Variants in DNAH8 observed in about 807,000 individuals in gnomAD.
The protein encoded by DNAH8 is dynein axonemal heavy chain 8.
A neutral mutation model predicts 562.1 loss-of-function variants in DNAH8; 382 were observed. The ratio of observed to expected loss-of-function variants is 0.68; its 90% confidence interval spans 0.63 to 0.74. The LOEUF is 0.74. Ranked by LOEUF, DNAH8 falls within the 30% of genes least tolerant of loss-of-function variation. The probability of loss-of-function intolerance (pLI) is 0.00; values close to 1 mark genes in which losing one functional copy is unlikely to be tolerated. For missense variants in DNAH8, 5,203 were observed against 5,620.4 expected (o/e 0.93, Z 2.37); for synonymous variants, 1,881 against 1,919.4 (o/e 0.98, Z 0.52).
Position 38,949,528 on chromosome 6 carries a change from ATAATG to A in DNAH8, c.12207_12211del (p.Tyr4069Ter). 1 of 1,612,840 alleles carries A rather than the reference ATAATG, an allele frequency of 6.2e-7. No individual in the cohort carries two copies. The highest frequency in any genetic ancestry group is 8.5e-7 in the Non-Finnish European group (1 of 1,178,856). ...GAGGAGGAAATTATCCCTGATGGATATAATGATTCACTAGATACCTGCCATAAACT... is the reference window on the plus strand; with the variant it reads ...GAGGAGGAAATTATCCCTGATGGATAATTCACTAGATACCTGCCATAAACT... On this transcript the variant is annotated stop_gained and frameshift_variant, in exon 81 of 93. Transcript: ENST00000327475. LOFTEE classifies it high-confidence loss of function.
intron 6 of DNAH8, 39 bp downstream of exon 6, chr6:38,737,295 G>T (rs761959872): frequency 8.0e-7 from 1 of 1,246,166 alleles, no homozygotes; most frequent in Admixed American, 3.0e-5. Flanking sequence ...TTGCAAAAAA[G>T]AAGCAAATTA....
At position 38,978,308 on chromosome 6, in the gene DNAH8, A is replaced by T. The variant is rs74380098; in HGVS notation, c.12834+3779A>T. Among the ~76,000 whole-genome samples the T allele has an allele frequency of 6.9e-3, 1,052 of 152,278 alleles. 17 individuals are homozygous for T. The highest frequency in any genetic ancestry group is 0.024 in the African/African-American group (994 of 41,558). Reference sequence around the variant, plus strand: ...GGGCCCTATCAATAGGGCCCAGGGAATCTCACTATTAACAGTTCTTCATTC... The same window carrying T: ...GGGCCCTATCAATAGGGCCCAGGGATTCTCACTATTAACAGTTCTTCATTC... On this transcript the variant is annotated intron_variant, in intron 85 of 92. Coordinates refer to ENST00000327475, the MANE Select transcript of DNAH8 (RefSeq NM_001206927.2).
intron 82 of DNAH8, among the ~76,000 whole-genome samples, chr6:38,957,423 C>A (rs1762317691): frequency 6.6e-6 from 1 of 151,222 alleles, no homozygotes; most frequent in African/African-American, 2.4e-5. Flanking sequence ...ACAAATCACC[C>A]AGATAGAAAA....
In DNAH8 at chr6:39,030,332, A is replaced by G. The variant is rs1400209066; in HGVS notation, c.14064A>G (p.Thr4688=). ...LTFITVVYLR[T]VLSPDHWILR... is the part of the protein sequence containing the mutation. Reference sequence around the variant, plus strand: ...TCATCACTGTGGTATATTTACGAACAGTGTTGTCCCCGGATCACTGGATCC... The same window carrying G: ...TCATCACTGTGGTATATTTACGAACGGTGTTGTCCCCGGATCACTGGATCC... The change falls in exon 93 of 93, where the codon ACA becomes ACG. Residue 4688 remains threonine, a synonymous_variant. Transcript: ENST00000327475. 1 of 1,614,080 alleles carries G rather than the reference A, an allele frequency of 6.2e-7. No individual in the cohort carries two copies. The highest frequency in any genetic ancestry group is 1.3e-5 in the African/African-American group (1 of 74,926).
intron 62 of DNAH8, 125 bp downstream of exon 62, chr6:38,900,031 A>G (rs758737378): frequency 1.9e-5 from 15 of 786,284 alleles, no homozygotes; most frequent in Non-Finnish European, 2.7e-5. Flanking sequence ...AGTATTATAT[A>G]TATAAGGATA....
chr6:38,980,467 C>T (rs755709300), intron 85 of DNAH8, among the ~76,000 whole-genome samples: 1 of 152,190 alleles, frequency 6.6e-6, no homozygotes, highest in Non-Finnish European at 1.5e-5. Flanking sequence ...CTCTGCTCCT[C>T]CTCACCTCTT....
chr6:38,881,801 T>C (rs1003486750), intron 53 of DNAH8, among the ~76,000 whole-genome samples: 2 of 152,126 alleles, frequency 1.3e-5, no homozygotes, highest in Non-Finnish European at 2.9e-5. Flanking sequence ...TCCACCCACC[T>C]CAGCCTCCCA....
intron 88 of DNAH8, among the ~76,000 whole-genome samples, chr6:39,008,098 A>G (rs1021320934): frequency 1.3e-5 from 2 of 151,894 alleles, no homozygotes; most frequent in African/African-American, 4.8e-5. Context: ...CCTCTCTGAA[A>G]GCATCCTGTT....
rs183189325 is a variant in DNAH8 at position 38,990,541 on chromosome 6, A to C, written c.13214+369A>C. ...ATTCATTAAGAATATAATGCTCATA[A>C]ATAGAATCTAAAAAGCCAGGTGAGA... On this transcript the variant is annotated intron_variant, in intron 88 of 92. Coordinates refer to ENST00000327475, the MANE Select transcript of DNAH8 (RefSeq NM_001206927.2). Among the ~76,000 whole-genome samples, 442 of 152,296 alleles carry C rather than the reference A, an allele frequency of 2.9e-3. 2 individuals are homozygous for C. Among genetic ancestry groups the C allele is most frequent in the African/African-American group, 0.01 (423 of 41,564 alleles).
In DNAH8 at chr6:38,737,235, A is replaced by G. The variant is rs781343452; in HGVS notation, c.931A>G (p.Arg311Gly). Residue 311 changes from arginine (R) to glycine (G), a missense_variant, in exon 6 of 93, where the codon AGA (arginine) becomes GGA (glycine). By Grantham distance (125) the Arg-to-Gly change is moderately radical (BLOSUM62 -2). Transcript: ENST00000327475. Reference protein sequence around the residue: ...EKHIFTETINRYLSFLDGARI... With the variant: ...EKHIFTETINGYLSFLDGARI... ...ACATATTTTCACTGAAACCATCAAC[A>G]GATATCTTTCATTTTTAGATGGTAA... is the stretch of plus-strand genomic sequence containing the variant. 3.0e-5 allele frequency: 43 copies of G among 1,456,368 alleles called. No homozygotes were observed. The highest frequency in any genetic ancestry group is 3.7e-5 in the Non-Finnish European group (41 of 1,098,702). 90.2% of individuals were successfully genotyped at this position (1,456,368 alleles called of 1,614,324 possible).
chr6:38,920,953 C>T (rs532896497), intron 70 of DNAH8, among the ~76,000 whole-genome samples: 4 of 152,216 alleles, frequency 2.6e-5, no homozygotes, highest in East Asian at 3.9e-4. Context: ...TACAGTGTTG[C>T]GATCACAGCT....
intron 8 of DNAH8, among the ~76,000 whole-genome samples, 165 bp downstream of exon 8, chr6:38,742,052 A>G (rs751918640): frequency 1.3e-5 from 2 of 152,230 alleles, no homozygotes; most frequent in Non-Finnish European, 2.9e-5. Flanking sequence ...AGAGGAAATG[A>G]AGATTTATTT....
chr6:38,938,777 G>A (rs1341462208), intron 78 of DNAH8, 21 bp from the exon 79 acceptor site: 1 of 1,556,904 alleles, frequency 6.4e-7, no homozygotes, highest in African/African-American at 1.4e-5. Context: ...TTGCTTCTTT[G>A]ATTCTTAAAA....
intron 91 of DNAH8, among the ~76,000 whole-genome samples, chr6:39,024,271 A>C (rs1330494108): frequency 1.3e-5 from 2 of 152,252 alleles, no homozygotes; most frequent in African/African-American, 4.8e-5. Flanking sequence ...TGCCTTGTAC[A>C]TTATGACCTT....
At chr6:38,717,114 A>C (rs1762400235) in intron 1 of DNAH8, among the ~76,000 whole-genome samples, 1 of 152,128 alleles carries the variant, frequency 6.6e-6, no homozygotes, top group African/African-American at 2.4e-5. Flanking sequence ...TGGGAGGCTG[A>C]GGTAGGAGGA....
intron 65 of DNAH8, among the ~76,000 whole-genome samples, chr6:38,910,299 A>G (rs1036472803): frequency 2.0e-5 from 3 of 152,230 alleles, no homozygotes; most frequent in Non-Finnish European, 2.9e-5. Context: ...CAACCATGCA[A>G]AAACACAGCT....
At chr6:38,738,005 G>C in intron 7 of DNAH8, 33 bp downstream of exon 7, 1 of 1,600,028 alleles carries the variant, frequency 6.2e-7, no homozygotes, top group East Asian at 2.3e-5. Flanking sequence ...ATCTGGACTA[G>C]TAGTTTTCAT....
rs774467668 is a variant in DNAH8 at position 38,875,756 on chromosome 6, A to G, written c.7786A>G (p.Ser2596Gly). ...TGAAGCCTTCTTACGGCAGCATGAA[A>G]GCAAGTTGGACTTACCAGAAATACC... Reference protein sequence around the residue: ...KLEAFLRQHESKLDLPEIPKG... With the variant: ...KLEAFLRQHEGKLDLPEIPKG... Residue 2596 changes from serine (S) to glycine (G), a missense_variant, in exon 53 of 93, where the codon AGC becomes GGC. Transcript: ENST00000327475. The G allele has an allele frequency of 6.2e-7, 1 of 1,614,038 alleles. No homozygotes were observed. Among genetic ancestry groups the G allele is most frequent in the Non-Finnish European group, 8.5e-7 (1 of 1,179,962 alleles).
intron 91 of DNAH8, among the ~76,000 whole-genome samples, chr6:39,022,339 A>G (rs1263071340): frequency 3.9e-5 from 6 of 152,052 alleles, no homozygotes; most frequent in Non-Finnish European, 8.8e-5. Flanking sequence ...CTCTTCCCCC[A>G]GCTCCTCCCT....
Sources: allele counts gnomAD v4.1 joint callset (sites outside exome capture counted in the v4.1 genomes callset), GRCh38; gene constraint gnomAD v4.1.1; transcripts MANE v1.5; gene names NCBI Gene and HGNC (gene_info 2026-07-23, HGNC 2026-07-21).